DOCK4: variants seen among roughly 807,000 people sequenced by gnomAD.
DOCK4 encodes the protein dedicator of cytokinesis protein 4.
A neutral mutation model predicts 268.1 loss-of-function variants in DOCK4; 97 were observed. The ratio of observed to expected loss-of-function variants is 0.36; its 90% CI spans 0.31 to 0.43. The LOEUF (loss-of-function observed/expected upper bound fraction) is 0.43. Ranked by LOEUF, DOCK4 falls within the 20% of genes least tolerant of loss-of-function variation. The probability of loss-of-function intolerance (pLI) is 1.00; values close to 1 mark genes in which losing one functional copy is unlikely to be tolerated. For missense variants in DOCK4, 2,145 were observed against 2,455.7 expected (o/e 0.87, Z 2.67); for synonymous variants, 954 against 887.2 (o/e 1.08, Z -1.34).
intron 37 of DOCK4, among the ~76,000 whole-genome samples, chr7:111,769,233 A>G (rs933916503): frequency 6.6e-6 from 1 of 152,228 alleles, no homozygotes; most frequent in African/African-American, 2.4e-5. Context: ...AAGTGTAATG[A>G]AAAGGTCATG....
At chr7:111,839,266 T>C (rs760299441) in intron 25 of DOCK4, among the ~76,000 whole-genome samples, 2 of 152,230 alleles carry the variant, frequency 1.3e-5, no homozygotes, top group Non-Finnish European at 2.9e-5. Context: ...TTTTTACCTT[T>C]CTCTTAACTA....
In DOCK4 at chr7:111,739,476, G is replaced by A. The variant is rs1245093261; in HGVS notation, c.5042C>T (p.Pro1681Leu). The A allele has an allele frequency of 1.3e-6, 2 of 1,564,258 alleles. No individual in the cohort carries two copies. Among genetic ancestry groups the A allele is most frequent in the Admixed American group, 1.9e-5 (1 of 52,190 alleles). The stretch of plus-strand genomic sequence containing the variant: ...ACTCAAGCTTGAGGTAGATGGACTT[G>A]GCTGGAAACACACAGGGAGCTATTA... ...ESSDEVFNMQ[P>L]SPSTSSLSST... The change falls in exon 48 of 53, where the codon CCA (proline) becomes CTA (leucine). Residue 1681 changes from proline (P) to leucine (L), a missense_variant and splice_region_variant. This residue lies in a region of DOCK4 where 547 missense variants were observed against 469.0 expected (regional missense o/e 1.17). Transcript: ENST00000428084.
At chr7:111,861,758 A>T (rs748637558) in intron 23 of DOCK4, among the ~76,000 whole-genome samples, 1,416 of 74,358 alleles carry the variant, frequency 0.019, 12 homozygotes, top group East Asian at 0.035. Flanking sequence ...AAAAAAAAAA[A>T]AATAATAATA....
intron 1 of DOCK4, among the ~76,000 whole-genome samples, chr7:112,204,757 A>C (rs1821235807): frequency 6.6e-6 from 1 of 152,088 alleles, no homozygotes; most frequent in Non-Finnish European, 1.5e-5. Flanking sequence ...AAAAAACAAA[A>C]ATCCCCTCGG....
chr7:112,117,081 G>T (rs1229005239), intron 1 of DOCK4, among the ~76,000 whole-genome samples: 1 of 152,146 alleles, frequency 6.6e-6, no homozygotes, highest in Non-Finnish European at 1.5e-5. Flanking sequence ...ACACACCTGT[G>T]CACACACTTT....
chr7:112,066,258 C>T (rs1203520948), intron 1 of DOCK4, among the ~76,000 whole-genome samples: 4 of 152,042 alleles, frequency 2.6e-5, no homozygotes, highest in Admixed American at 6.5e-5. Context: ...TTTGCTCACT[C>T]TCTCTTTTGG....
intron 1 of DOCK4, among the ~76,000 whole-genome samples, chr7:112,081,857 A>G (rs1808617156): frequency 6.6e-6 from 1 of 152,188 alleles, no homozygotes. Context: ...TAAAATGTGA[A>G]GACCAAAAGA....
At chr7:112,202,921 G>A (rs544581014) in intron 1 of DOCK4, among the ~76,000 whole-genome samples, 1 of 152,306 alleles carries the variant, frequency 6.6e-6, no homozygotes, top group South Asian at 2.1e-4. Flanking sequence ...CAGCACCTCA[G>A]TTCTGGCAGC....
chr7:111,752,237 CATT>C (rs1177935885), intron 42 of DOCK4, among the ~76,000 whole-genome samples: 1 of 152,094 alleles, frequency 6.6e-6, no homozygotes, highest in Non-Finnish European at 1.5e-5. Context: ...AAGTCAGGCT[CATT>C]ATATCATTAT....
At chr7:111,847,608 C>A (rs1159744084) in intron 23 of DOCK4, among the ~76,000 whole-genome samples, 2 of 152,120 alleles carry the variant, frequency 1.3e-5, no homozygotes, top group East Asian at 3.9e-4. Flanking sequence ...GGTAGTTCCC[C>A]CTATACTGTC....
At chr7:111,989,461 A>G (rs1799342346) in intron 5 of DOCK4, among the ~76,000 whole-genome samples, 1 of 152,186 alleles carries the variant, frequency 6.6e-6, no homozygotes, top group Non-Finnish European at 1.5e-5. Context: ...CTACTATCCA[A>G]GAAGACTCGG....
At chr7:112,195,516 A>C (rs1307767377) in intron 1 of DOCK4, among the ~76,000 whole-genome samples, 1 of 152,092 alleles carries the variant, frequency 6.6e-6, no homozygotes, top group East Asian at 1.9e-4. Flanking sequence ...CAAGCTCCTC[A>C]ACCAACTTTG....
At chr7:112,106,927 A>T (rs1030617836) in intron 1 of DOCK4, among the ~76,000 whole-genome samples, 12 of 152,250 alleles carry the variant, frequency 7.9e-5, no homozygotes, top group Non-Finnish European at 1.8e-4. Flanking sequence ...GTGTTGTTTT[A>T]TAAATGACTT....
At chr7:111,851,264 G>A (rs915930439) in intron 23 of DOCK4, among the ~76,000 whole-genome samples, 6 of 151,988 alleles carry the variant, frequency 3.9e-5, no homozygotes, top group Non-Finnish European at 7.4e-5. Flanking sequence ...CTAACACAAT[G>A]AAACCCCGTC....
intron 8 of DOCK4, among the ~76,000 whole-genome samples, chr7:111,948,594 C>T (rs954552368): frequency 2.0e-5 from 3 of 151,508 alleles, no homozygotes; most frequent in African/African-American, 7.3e-5. Flanking sequence ...TTCTTTTCTT[C>T]TTCTTTTTTT....
rs144754252 is a variant in DOCK4 at position 112,125,819 on chromosome 7, T to G, written c.37+80283A>C. Among the ~76,000 whole-genome samples the G allele has an allele frequency of 2.4e-3, 363 of 150,436 alleles. 4 individuals are homozygous for G. Among genetic ancestry groups the G allele is most frequent in the African/African-American group, 8.5e-3 (345 of 40,634 alleles). On this transcript the variant is annotated intron_variant, in intron 1 of 52. Coordinates refer to ENST00000428084, the MANE Select transcript of DOCK4 (RefSeq NM_001363540.2). The stretch of plus-strand genomic sequence containing the variant: ...ATCATCACTATTTTTTTGTTTTTTG[T>G]TTTTTTTTGAGACAGGGTCTCACTT...
chr7:111,730,959 A>C (rs1264975268), intron 52 of DOCK4, among the ~76,000 whole-genome samples: 1 of 152,180 alleles, frequency 6.6e-6, no homozygotes, highest in Non-Finnish European at 1.5e-5. Flanking sequence ...TTACTACCCA[A>C]CAAAATTTAA....
intron 1 of DOCK4, among the ~76,000 whole-genome samples, chr7:112,099,888 A>G (rs1810516968): frequency 1.3e-5 from 2 of 152,208 alleles, no homozygotes; most frequent in South Asian, 2.1e-4. Flanking sequence ...AAAAGCCAAT[A>G]AAAAATAATG....
intron 1 of DOCK4, among the ~76,000 whole-genome samples, chr7:112,154,090 G>A (rs1489402234): frequency 2.6e-5 from 4 of 152,020 alleles, no homozygotes; most frequent in African/African-American, 9.7e-5. Context: ...TCCCACTTTA[G>A]TCTCCCTAGT....
Sources: gnomAD v4.1 joint callset for allele counts (sites outside exome capture counted in the v4.1 genomes callset) on GRCh38, gnomAD v4.1.1 for gene constraint, gnomAD v4.1.1 regional missense constraint, MANE v1.5 for transcripts, NCBI Gene and HGNC (gene_info 2026-07-23, HGNC 2026-07-21) for gene names.